Variants in MYO1H observed in about 807,000 individuals in gnomAD.
MYO1H encodes unconventional myosin-Ih.
Under a neutral mutation model 149.3 loss-of-function variants are expected in MYO1H, and 118 were observed. The ratio of observed to expected loss-of-function variants is 0.79; its 90% confidence interval spans 0.68 to 0.92. MYO1H has a LOEUF of 0.92. MYO1H is among the 40% of genes least tolerant of loss of function. The pLI, the probability that MYO1H is intolerant of heterozygous loss-of-function variation, is 0.00. For missense variants in MYO1H, 1,212 were observed against 1,280.7 expected, an observed-to-expected ratio of 0.95 and a Z score of 0.82; for synonymous variants, 447 against 465.2, an observed-to-expected ratio of 0.96 and a Z score of 0.50.
chr12:109,322,974 T>G, the MYO1H span, among the ~76,000 whole-genome samples: 6 of 146,604 alleles, frequency 4.1e-5, no homozygotes, highest in African/African-American at 1.3e-4. Flanking sequence ...GGGCATGGTG[T>G]TGTGCGCCTG....
intron 12 of MYO1H, 112 bp downstream of exon 12, chr12:109,410,180 C>T (rs1870605036): frequency 3.7e-6 from 2 of 538,060 alleles, no homozygotes; most frequent in South Asian, 5.1e-5. Flanking sequence ...CTCACTCTGT[C>T]GCCCAGGCTG....
At chr12:109,408,829 G>A (rs535641601) in intron 10 of MYO1H, among the ~76,000 whole-genome samples, 6 of 151,946 alleles carry the variant, frequency 3.9e-5, no homozygotes, top group South Asian at 4.2e-4. Context: ...CCACTTTGTC[G>A]TTCAGGCTGA....
intron 20 of MYO1H, 146 bp from the exon 21 acceptor site, chr12:109,434,891 C>T (rs2135593532): frequency 1.7e-6 from 1 of 587,834 alleles, no homozygotes; most frequent in East Asian, 2.9e-5. Context: ...TCTATCCTTA[C>T]CTCAATCACA....
Position 109,392,778 on chromosome 12 carries a change from C to T in MYO1H, c.175-553C>T, listed in dbSNP as rs188543979. Among the ~76,000 whole-genome samples, 693 of 151,890 alleles carry T rather than the reference C, an allele frequency of 4.6e-3. 3 individuals are homozygous for T. Among genetic ancestry groups the T allele is most frequent in the South Asian group, 7.3e-3 (35 of 4,790 alleles). On this transcript the variant is annotated intron_variant, in intron 2 of 31. Coordinates refer to ENST00000310903, the Ensembl canonical transcript of MYO1H. ...GGCCTGCCTTTATTGTTTGTACCCTCGTTATGCTATGTATACCTTTCTTTT... is the reference window on the plus strand; with the variant it reads ...GGCCTGCCTTTATTGTTTGTACCCTTGTTATGCTATGTATACCTTTCTTTT...
At chr12:109,435,647 A>G (rs1871828010) in intron 21 of MYO1H, among the ~76,000 whole-genome samples, 1 of 152,228 alleles carries the variant, frequency 6.6e-6, no homozygotes, top group Non-Finnish European at 1.5e-5. Context: ...GTGAACACTA[A>G]GTCCTTTAAA....
chr12:109,404,074 C>A (rs753570888), exon 7 of MYO1H: 3 of 1,612,292 alleles, frequency 1.9e-6, no homozygotes, highest in Admixed American at 1.7e-5. Context: ...CTGAAGCTGA[C>A]CTCGAGGTAC....
chr12:109,387,924 G>A (rs939253601), intron 1 of MYO1H, among the ~76,000 whole-genome samples: 1 of 152,250 alleles, frequency 6.6e-6, no homozygotes, highest in African/African-American at 2.4e-5. Context: ...GGAAGGTCAT[G>A]CCTGGTGCCT....
chr12:109,406,034 A>C lies in MYO1H; in HGVS notation c.962A>C (p.Lys321Thr), dbSNP rs779568667. 8.7e-6 allele frequency: 14 copies of C among 1,604,720 alleles called. 1 individual carries two copies. In the South Asian group the frequency reaches 1.5e-4, roughly 18 times the overall value. ...ACCCATGAGATCAAGTGGATAGCCA[A>C]GGTGATGCTCCTCTTTTGGAGAGGA... The change falls in exon 8 of 32, where the codon AAG (lysine) becomes ACG (threonine). Residue 321 changes from lysine to threonine, a missense_variant and splice_region_variant. Physicochemically the swap from Lys to Thr is moderately conservative, Grantham distance 78 (BLOSUM62 -1). Transcript: ENST00000310903.
At chr12:109,423,096 G>GA (rs199905736) in intron 16 of MYO1H, among the ~76,000 whole-genome samples, 152 of 149,850 alleles carry the variant, frequency 1.0e-3, no homozygotes, top group African/African-American at 3.3e-3. Context: ...GAAAAAAACA[G>GA]AAAAAAAAAT....
At chr12:109,438,221 A>G (rs1226251682) in intron 22 of MYO1H, among the ~76,000 whole-genome samples, 2 of 152,112 alleles carry the variant, frequency 1.3e-5, no homozygotes, top group Non-Finnish European at 1.5e-5. Flanking sequence ...TGGTGGTAAG[A>G]CTAATCTGTA....
chr12:109,400,253 T>C (rs759539346), intron 5 of MYO1H, among the ~76,000 whole-genome samples: 16 of 152,220 alleles, frequency 1.1e-4, no homozygotes, highest in Non-Finnish European at 2.2e-4. Context: ...TGCCCTTTAG[T>C]AGATTTACAT....
At chr12:109,320,838 C>G in the MYO1H span, among the ~76,000 whole-genome samples, 2 of 152,038 alleles carry the variant, frequency 1.3e-5, no homozygotes, top group African/African-American at 4.8e-5. Flanking sequence ...GCCTGTAATC[C>G]CAGCACTTTG....
In MYO1H at chr12:109,443,116, ATATGTGTACGTATATATGTGTG is replaced by A. The variant is rs1872265977; in HGVS notation, c.2689-394_2689-373del. On this transcript the variant is annotated intron_variant, in intron 27 of 31. Coordinates refer to ENST00000310903, the Ensembl canonical transcript of MYO1H. ...TATATATGTGTACGTATATGTGTGTATATGTGTACGTATATATGTGTGTATATGTGTACGTATGTGTGTGTAT... is the reference window on the plus strand; with the variant it reads ...TATATATGTGTACGTATATGTGTGTATATATGTGTACGTATGTGTGTGTAT... Among the ~76,000 whole-genome samples the A allele has an allele frequency of 3.2e-5, 4 of 123,282 alleles. 1 individual carries two copies. The highest frequency in any genetic ancestry group is 1.6e-4 in the Admixed American group (2 of 12,532). The allele number at this position is 123,282 out of a possible 152,430, so 80.9% of individuals were successfully genotyped here.
chr12:109,326,033 C>T, the MYO1H span, among the ~76,000 whole-genome samples: 2 of 152,104 alleles, frequency 1.3e-5, no homozygotes, highest in African/African-American at 4.8e-5. Context: ...AGCAGTTCTT[C>T]GGTATTGGGT....
At position 109,435,107 on chromosome 12, in the gene MYO1H, C is replaced by T; in HGVS notation, c.2134C>T (p.Gln712Ter). The T allele has an allele frequency of 6.3e-7, 1 of 1,591,520 alleles. No homozygotes were observed. Among genetic ancestry groups the T allele is most frequent in the South Asian group, 1.1e-5 (1 of 88,546 alleles). ...AGATGCCTTTGAATTTAGTAAACAT[C>T]AACTAGGTATGATTTCTTTTTCTGT... Residue 712 changes from glutamine (Q) to a stop codon, truncating the protein, a stop_gained, in exon 21 of 32, where the codon CAA becomes TAA. Coordinates refer to ENST00000310903, the Ensembl canonical transcript of MYO1H. LOFTEE classifies it high-confidence loss of function.
In MYO1H at chr12:109,347,977, T is replaced by G. The variant is rs1868373682; in HGVS notation, c.12+5T>G. ...CTGTGCGTGATGGAATCCAAGGTAA[T>G]GTGACTTGAACACTAGAAGGTGGTT... On this transcript the variant is annotated splice_donor_5th_base_variant and intron_variant, in intron 1 of 31. Transcript: ENST00000310903. The G allele has an allele frequency of 5.0e-6, 2 of 399,072 alleles. No individual in the cohort carries two copies. The highest frequency in any genetic ancestry group is 2.5e-4 in the South Asian group (2 of 7,858). The allele number at this position is 399,072 out of a possible 1,614,324, so 24.7% of individuals were successfully genotyped here.
At chr12:109,391,293 C>G (rs1342796362) in intron 2 of MYO1H, among the ~76,000 whole-genome samples, 1 of 152,140 alleles carries the variant, frequency 6.6e-6, no homozygotes. Flanking sequence ...CATGTGTCCT[C>G]ATCATTTAGT....
In MYO1H at chr12:109,415,522, G is replaced by A. The variant is rs562126247; in HGVS notation, c.1503-4G>A. 1.3e-5 allele frequency: 21 copies of A among 1,599,886 alleles called. No homozygotes were observed. Among genetic ancestry groups the A allele is most frequent in the Middle Eastern group, 1.7e-4 (1 of 6,046 alleles). On this transcript the variant is annotated splice_region_variant and splice_polypyrimidine_tract_variant and intron_variant, in intron 14 of 31. Coordinates refer to ENST00000310903, the Ensembl canonical transcript of MYO1H. ...TTCAACTCGTGTCTATTTCTGTCTC[G>A]TAGCCGTAAGCTGGCTGGTCCAAAG...
chr12:109,431,794 C>T (rs568294753), intron 19 of MYO1H, among the ~76,000 whole-genome samples: 8 of 152,102 alleles, frequency 5.3e-5, no homozygotes, highest in South Asian at 4.2e-4. Flanking sequence ...CCCTGGGGGA[C>T]GGGGGAAGCC....
Sources: allele counts gnomAD v4.1 joint callset (sites outside exome capture counted in the v4.1 genomes callset), GRCh38; gene constraint gnomAD v4.1.1; transcripts MANE v1.5; gene names NCBI Gene and HGNC (gene_info 2026-07-23, HGNC 2026-07-21).